Variants in ATPSCKMT observed in about 807,000 individuals in gnomAD.
ATPSCKMT encodes the protein ATP synthase subunit C lysine N-methyltransferase.
Under a neutral mutation model 24.3 loss-of-function variants are expected in ATPSCKMT, and 24 were observed. The observed-to-expected ratio is 0.99, with a 90% CI of 0.71 to 1.39. ATPSCKMT has a LOEUF of 1.39. ATPSCKMT is among the 40% of genes most tolerant of loss of function. The pLI is 0.00. For missense variants in ATPSCKMT, 311 were observed against 298.4 expected (o/e 1.04, Z -0.31); for synonymous variants, 95 against 110.5 (o/e 0.86, Z 0.88).
chr5:10,231,367 G>T (rs1284122223), intron 4 of ATPSCKMT, among the ~76,000 whole-genome samples: 1 of 151,858 alleles, frequency 6.6e-6, no homozygotes, highest in Non-Finnish European at 1.5e-5. Context: ...CTCCCAGCTT[G>T]TACCCACCCC....
At chr5:10,234,738 G>T (rs1744298867) in intron 4 of ATPSCKMT, among the ~76,000 whole-genome samples, 1 of 152,160 alleles carries the variant, frequency 6.6e-6, no homozygotes. Flanking sequence ...CATAATCAAA[G>T]TTCAATATGC....
At chr5:10,230,387 T>C (rs1245809264) in intron 4 of ATPSCKMT, among the ~76,000 whole-genome samples, 1 of 152,312 alleles carries the variant, frequency 6.6e-6, no homozygotes, top group African/African-American at 2.4e-5. Context: ...AAAAGGATAA[T>C]TATAAACTTA....
At chr5:10,243,222 G>A (rs1006151945) in intron 1 of ATPSCKMT, among the ~76,000 whole-genome samples, 5 of 152,106 alleles carry the variant, frequency 3.3e-5, no homozygotes, top group Admixed American at 2.6e-4. Flanking sequence ...ACAGTGGCTC[G>A]CGCCTGTAAT....
In ATPSCKMT at chr5:10,227,328, A is replaced by C. The variant is rs928230655; in HGVS notation, c.*113T>G. 6 of 1,081,118 alleles carry C rather than the reference A, an allele frequency of 5.5e-6. No individual in the cohort carries two copies. In the Admixed American group the frequency reaches 1.4e-4, roughly 26 times the overall value. The allele number at this position is 1,081,118 out of a possible 1,614,324, so 67.0% of individuals were successfully genotyped here. On this transcript the variant is annotated 3_prime_UTR_variant, in exon 5 of 5. Transcript: ENST00000511437. ...TCCAACAGTTAAGGAAAGTAATAGTAATTTCTCATTCCAAACCAAAGACAA... is the reference window on the plus strand; with the variant it reads ...TCCAACAGTTAAGGAAAGTAATAGTCATTTCTCATTCCAAACCAAAGACAA...
chr5:10,235,398 C>A, intron 3 of ATPSCKMT, 137 bp from the exon 4 acceptor site: 1 of 680,644 alleles, frequency 1.5e-6, no homozygotes, highest in South Asian at 1.8e-5. Context: ...GAACAGCGGC[C>A]CTCCTTAAGA....
At position 10,239,087 on chromosome 5, in the gene ATPSCKMT, C is replaced by T. The variant is rs1744503575; in HGVS notation, c.286G>A (p.Gly96Ser). Reference sequence around the variant, plus strand: ...CTCACAATGCGTCCGTCCCCACTACCGATGTCCACAAGGGATCCTCTTCGG... The same window carrying T: ...CTCACAATGCGTCCGTCCCCACTACTGATGTCCACAAGGGATCCTCTTCGG... ...RCRRGSLVDI[G>S]SGDGRIVIAA... Residue 96 changes from glycine to serine, a missense_variant, in exon 2 of 5, where the codon GGT (glycine) becomes AGT (serine). Gly to Ser is a moderately conservative substitution (Grantham distance 56). Transcript: ENST00000511437. 6.8e-6 allele frequency: 11 copies of T among 1,613,896 alleles called. No individual in the cohort carries two copies. The highest frequency in any genetic ancestry group is 4.4e-5 in the South Asian group (4 of 91,056).
rs550548685 is a variant in ATPSCKMT at position 10,235,199 on chromosome 5, G to A, written c.495+12C>T. 95 of 1,613,466 alleles carry A rather than the reference G, an allele frequency of 5.9e-5. No individual in the cohort carries two copies. In the East Asian group the frequency reaches 2.1e-3, roughly 35 times the overall value. Reference sequence around the variant, plus strand: ...CTAACCCCAAACAGAGAGCAGGAAAGTGCATACTCACCATCTGAGGCACAC... The same window carrying A: ...CTAACCCCAAACAGAGAGCAGGAAAATGCATACTCACCATCTGAGGCACAC... On this transcript the variant is annotated intron_variant, in intron 4 of 4. Transcript: ENST00000511437.
At chr5:10,232,456 G>A (rs933162679) in intron 4 of ATPSCKMT, among the ~76,000 whole-genome samples, 1 of 152,232 alleles carries the variant, frequency 6.6e-6, no homozygotes, top group African/African-American at 2.4e-5. Context: ...AGCTAGCAGT[G>A]TCGAAGCCTT....
chr5:10,232,428 T>C (rs1561026720), intron 4 of ATPSCKMT, among the ~76,000 whole-genome samples: 1 of 152,204 alleles, frequency 6.6e-6, no homozygotes, highest in Non-Finnish European at 1.5e-5. Flanking sequence ...GCCCCTGAGC[T>C]GATGGTGCAG....
chr5:10,230,140 A>AC (rs1744059308), intron 4 of ATPSCKMT, among the ~76,000 whole-genome samples: 1 of 89,360 alleles, frequency 1.1e-5, no homozygotes. Flanking sequence ...TGCTCAGAAA[A>AC]ACTTCTACAT....
intron 1 of ATPSCKMT, among the ~76,000 whole-genome samples, chr5:10,246,745 C>G (rs926907304): frequency 6.6e-6 from 1 of 151,728 alleles, no homozygotes; most frequent in Non-Finnish European, 1.5e-5. Context: ...ATTCAACCAG[C>G]AAAAGATGTA....
At chr5:10,236,275 C>T (rs951270618) in intron 3 of ATPSCKMT, 3 of 444,524 alleles carry the variant, frequency 6.7e-6, no homozygotes, top group African/African-American at 2.0e-5. Flanking sequence ...ATTCACAAGA[C>T]CTATCATATA....
At position 10,244,367 on chromosome 5, in the gene ATPSCKMT, C is replaced by A. The variant is rs987107375; in HGVS notation, c.17-5011G>T. On this transcript the variant is annotated intron_variant, in intron 1 of 4. Transcript: ENST00000511437. ...AAATGGTGCGAACAGACTTGCTCCA[C>A]GTAGGGCTGCCATAAACCTTCTGTT... is the stretch of plus-strand genomic sequence containing the variant. 9 of 152,148 alleles carry A rather than the reference C, an allele frequency of 5.9e-5. No individual in the cohort carries two copies. The East Asian group carries it at 1.7e-3, about 29-fold the overall frequency. The allele number at this position is 152,148 out of a possible 1,614,324, so 9.4% of individuals were successfully genotyped here.
intron 4 of ATPSCKMT, among the ~76,000 whole-genome samples, chr5:10,233,560 T>C (rs1744248606): frequency 6.6e-6 from 1 of 152,084 alleles, no homozygotes; most frequent in African/African-American, 2.4e-5. Flanking sequence ...ATAATAAGAC[T>C]CTTATTTCCC....
intron 4 of ATPSCKMT, among the ~76,000 whole-genome samples, chr5:10,228,994 T>C (rs757167051): frequency 6.6e-5 from 10 of 152,224 alleles, no homozygotes; most frequent in Non-Finnish European, 1.5e-4. Context: ...AACATTTTTT[T>C]CCTAAACCAT....
intron 1 of ATPSCKMT, among the ~76,000 whole-genome samples, chr5:10,246,898 T>C (rs2548554): frequency 0.75 from 114,259 of 152,102 alleles, 44,582 homozygotes; most frequent in East Asian, 0.86. Context: ...GAGGAAAGAC[T>C]GATTCCAACA....
chr5:10,240,507 C>T (rs984886670), intron 1 of ATPSCKMT, among the ~76,000 whole-genome samples: 8 of 152,130 alleles, frequency 5.3e-5, no homozygotes, highest in Admixed American at 5.2e-4. Flanking sequence ...CCAGCTCTGC[C>T]ACCTCACTAA....
chr5:10,233,319 A>G (rs1365481565), intron 4 of ATPSCKMT, among the ~76,000 whole-genome samples: 2 of 151,970 alleles, frequency 1.3e-5, no homozygotes, highest in African/African-American at 4.8e-5. Context: ...GCCTCCACAC[A>G]CAAAACTTAG....
In ATPSCKMT at chr5:10,227,480, G is replaced by A. The variant is rs1743932569; in HGVS notation, c.663C>T (p.Pro221=). 1.9e-6 allele frequency: 3 copies of A among 1,614,052 alleles called. No individual in the cohort carries two copies. Among genetic ancestry groups the A allele is most frequent in the East Asian group, 2.2e-5 (1 of 44,898 alleles). The change falls in exon 5 of 5, where the codon CCC becomes CCT. Residue 221 remains proline (P), a synonymous_variant. Transcript: ENST00000511437. Reference sequence around the variant, plus strand: ...GCAGCTGGAAATGCATCGATGTACAGGGCCTCTTTTCACGGCCTCTAAAAG... The same window carrying A: ...GCAGCTGGAAATGCATCGATGTACAAGGCCTCTTTTCACGGCCTCTAAAAG... ...ASTFRGREKR[P]CTSMHFQLPI...
Sources: allele counts gnomAD v4.1 joint callset (sites outside exome capture counted in the v4.1 genomes callset), GRCh38; gene constraint gnomAD v4.1.1; transcripts MANE v1.5; gene names NCBI Gene and HGNC (gene_info 2026-07-23, HGNC 2026-07-21).